Variants in ASIC2 observed in about 807,000 individuals in gnomAD.
The protein encoded by ASIC2 is acid sensing ion channel subunit 2.
A neutral mutation model predicts 57.3 loss-of-function variants in ASIC2; 25 were observed. That is an observed-to-expected ratio of 0.44 (90% CI 0.32 to 0.61). ASIC2 has a LOEUF of 0.61. ASIC2 is among the 20% of genes least tolerant of loss of function. ASIC2 has a pLI of 0.06. For missense variants in ASIC2, 641 were observed against 738.1 expected, an observed-to-expected ratio of 0.87 and a Z score of 1.52; for synonymous variants, 319 against 307.5, an observed-to-expected ratio of 1.04 and a Z score of -0.39.
chr17:33,577,862 A>G (rs1036777288), intron 1 of ASIC2, among the ~76,000 whole-genome samples: 2 of 152,130 alleles, frequency 1.3e-5, no homozygotes, highest in African/African-American at 4.8e-5. Context: ...AAAGGAGAGA[A>G]GAGAACCTTT....
chr17:33,622,283 A>G (rs1227753476), intron 1 of ASIC2, among the ~76,000 whole-genome samples: 1 of 152,160 alleles, frequency 6.6e-6, no homozygotes, highest in African/African-American at 2.4e-5. Flanking sequence ...ATTCTTCAAG[A>G]TGGAGAAGCC....
At chr17:34,011,003 C>CACCCACACAG (rs1906704253) in intron 1 of ASIC2, among the ~76,000 whole-genome samples, 1 of 58,856 alleles carries the variant, frequency 1.7e-5, no homozygotes, top group African/African-American at 5.4e-5. Flanking sequence ...GTCAGACACA[C>CACCCACACAG]ACACACACAG....
At chr17:33,363,622 T>A (rs910618992) in intron 1 of ASIC2, among the ~76,000 whole-genome samples, 15 of 152,184 alleles carry the variant, frequency 9.9e-5, no homozygotes, top group Non-Finnish European at 2.1e-4. Context: ...GCATGTCCAT[T>A]TACCACCCAC....
chr17:33,818,170 G>T (rs1421843106), intron 1 of ASIC2, among the ~76,000 whole-genome samples: 1 of 152,124 alleles, frequency 6.6e-6, no homozygotes, highest in African/African-American at 2.4e-5. Flanking sequence ...GTGTAACAAG[G>T]TTTATGAAGA....
chr17:33,190,981 C>T (rs186156261), intron 1 of ASIC2, among the ~76,000 whole-genome samples: 2 of 152,272 alleles, frequency 1.3e-5, no homozygotes, highest in East Asian at 3.9e-4. Context: ...TAAGTATTTA[C>T]CCAAGGGAAA....
chr17:33,713,245 G>C (rs1042684814), intron 1 of ASIC2, among the ~76,000 whole-genome samples: 2 of 152,136 alleles, frequency 1.3e-5, no homozygotes, highest in Non-Finnish European at 2.9e-5. Flanking sequence ...TAATTTCCTA[G>C]GGTTTGCCAT....
At chr17:33,276,470 A>C (rs1270819638) in intron 1 of ASIC2, among the ~76,000 whole-genome samples, 1 of 152,236 alleles carries the variant, frequency 6.6e-6, no homozygotes, top group Non-Finnish European at 1.5e-5. Context: ...CCTAAGTAGC[A>C]ATATGCTGCT....
chr17:34,154,140 T>G (rs1904626971), intron 1 of ASIC2, among the ~76,000 whole-genome samples: 1 of 152,186 alleles, frequency 6.6e-6, no homozygotes, highest in Non-Finnish European at 1.5e-5. Context: ...GTGTGTTCCA[T>G]GTGTGTTCAG....
At chr17:33,129,938 G>T (rs571044414) in intron 1 of ASIC2, among the ~76,000 whole-genome samples, 1 of 152,334 alleles carries the variant, frequency 6.6e-6, no homozygotes, top group Non-Finnish European at 1.5e-5. Flanking sequence ...CCACTGGGCG[G>T]CTGAACAGCG....
intron 1 of ASIC2, among the ~76,000 whole-genome samples, chr17:33,611,456 G>A (rs370669712): frequency 6.6e-6 from 1 of 152,144 alleles, no homozygotes; most frequent in Non-Finnish European, 1.5e-5. Flanking sequence ...GTCAGTTGTT[G>A]CTGATAACAA....
chr17:33,165,282 G>T (rs1204662654), intron 1 of ASIC2, among the ~76,000 whole-genome samples: 2 of 152,170 alleles, frequency 1.3e-5, no homozygotes, highest in Admixed American at 6.5e-5. Context: ...GGGGCTAATA[G>T]TCATGCTGTG....
intron 1 of ASIC2, among the ~76,000 whole-genome samples, chr17:33,377,961 C>T (rs938952219): frequency 6.6e-6 from 1 of 152,214 alleles, no homozygotes; most frequent in Non-Finnish European, 1.5e-5. Flanking sequence ...AATACCAGTT[C>T]AGCAGCCAAA....
intron 1 of ASIC2, among the ~76,000 whole-genome samples, chr17:33,907,653 G>A (rs1203307220): frequency 1.3e-5 from 2 of 151,858 alleles, no homozygotes; most frequent in Non-Finnish European, 2.9e-5. Context: ...CTTTCTTCCG[G>A]ATGCCTCCCC....
intron 1 of ASIC2, among the ~76,000 whole-genome samples, chr17:34,128,058 C>T (rs739762): frequency 0.42 from 63,208 of 151,930 alleles, 14,409 homozygotes; most frequent in Middle Eastern, 0.54. Context: ...CCACATCCCA[C>T]GGGTGCCTAA....
chr17:33,256,430 A>C (rs1221340571), intron 1 of ASIC2, among the ~76,000 whole-genome samples: 1 of 152,246 alleles, frequency 6.6e-6, no homozygotes, highest in Non-Finnish European at 1.5e-5. Flanking sequence ...GGGTCTTTTT[A>C]TTATACTTCC....
chr17:33,479,813 C>A (rs2036460657), intron 1 of ASIC2, among the ~76,000 whole-genome samples: 2 of 152,172 alleles, frequency 1.3e-5, no homozygotes, highest in African/African-American at 4.8e-5. Flanking sequence ...GTGCCCCCCT[C>A]CCCAATCCAC....
chr17:33,701,049 G>T (rs546667626), intron 1 of ASIC2, among the ~76,000 whole-genome samples: 12 of 152,158 alleles, frequency 7.9e-5, no homozygotes, highest in East Asian at 1.9e-4. Flanking sequence ...AGTCACTGAG[G>T]TCACAGTATC....
intron 1 of ASIC2, among the ~76,000 whole-genome samples, chr17:33,842,228 G>A (rs1256186453): frequency 1.3e-5 from 2 of 152,020 alleles, no homozygotes; most frequent in Admixed American, 6.6e-5. Flanking sequence ...TTCATTTAAC[G>A]CAAAACTCAG....
chr17:33,460,893 TC>T (rs775470038), intron 1 of ASIC2, among the ~76,000 whole-genome samples: 10 of 152,372 alleles, frequency 6.6e-5, no homozygotes, highest in Non-Finnish European at 1.5e-4. Context: ...ATTCTACAAC[TC>T]TACGATTTCC....
Sources: allele counts gnomAD v4.1 joint callset (sites outside exome capture counted in the v4.1 genomes callset), GRCh38; gene constraint gnomAD v4.1.1; transcripts MANE v1.5; gene names NCBI Gene and HGNC (gene_info 2026-07-23, HGNC 2026-07-21).